The following TRIM37 variants were observed in gnomAD, a reference collection of about 807,000 sequenced individuals.
The protein encoded by TRIM37 is E3 ubiquitin-protein ligase TRIM37.
TRIM37 carries 80 observed loss-of-function variants against 129.8 expected under a neutral mutation model. The observed-to-expected ratio is 0.62, with a 90% CI of 0.51 to 0.74. The LOEUF (loss-of-function observed/expected upper bound fraction) is 0.74. TRIM37 is among the 30% of genes least tolerant of loss of function. The pLI is 0.00. For synonymous variants in TRIM37, 389 were observed against 387.1 expected, an observed-to-expected ratio of 1.00 and a Z score of -0.06; for missense variants, 1,054 against 1,176.5, an observed-to-expected ratio of 0.90 and a Z score of 1.52.
intron 10 of TRIM37, 139 bp from the exon 11 acceptor site, chr17:59,062,787 A>G: frequency 1.4e-6 from 1 of 712,942 alleles, no homozygotes; most frequent in Non-Finnish European, 2.5e-6. Flanking sequence ...ACAGGTCAAA[A>G]TTCCACTGTA....
intron 16 of TRIM37, among the ~76,000 whole-genome samples, chr17:59,043,710 C>A (rs1033714303): frequency 6.6e-6 from 1 of 152,198 alleles, no homozygotes; most frequent in Non-Finnish European, 1.5e-5. Flanking sequence ...GGGCCCAGAT[C>A]ATCCCTGCCC....
At chr17:59,057,485 G>A (rs925333649) in intron 12 of TRIM37, among the ~76,000 whole-genome samples, 1 of 152,174 alleles carries the variant, frequency 6.6e-6, no homozygotes, top group African/African-American at 2.4e-5. Flanking sequence ...TGGGATTGCA[G>A]GCGTGAGCCA....
At chr17:59,047,203 G>A (rs1453247759) in intron 16 of TRIM37, among the ~76,000 whole-genome samples, 1 of 151,254 alleles carries the variant, frequency 6.6e-6, no homozygotes, top group Non-Finnish European at 1.5e-5. Flanking sequence ...TAACTAAATC[G>A]ATTTAACAAT....
At chr17:58,982,700 G>A (rs945910248) in exon 25 of TRIM37, 24 of 502,596 alleles carry the variant, frequency 4.8e-5, no homozygotes, top group Non-Finnish European at 7.1e-6. Context: ...TGTAAGTAGA[G>A]ACTTTCAGTA....
intron 13 of TRIM37, among the ~76,000 whole-genome samples, chr17:59,052,784 G>A (rs570159118): frequency 8.3e-4 from 126 of 152,034 alleles, no homozygotes; most frequent in Admixed American, 2.0e-3. Context: ...GTGAAACCCC[G>A]TCTCTACTAA....
rs1251727070 is a variant in TRIM37, at chr17:59,070,842, C to T, written c.790G>A (p.Val264Ile). Residue 264 changes from valine (V) to isoleucine (I), a missense_variant, in exon 9 of 24, where the codon GTT becomes ATT. Val to Ile is a conservative substitution (Grantham distance 29). Transcript: ENST00000262294. ...TCATACCTGGTAAAGTCTGGTGGAA[C>T]AGGAGTGGTAACAAAAGATGCCATG... ...KPMASFVTTP[V>I]PPDFTSELVP... The T allele has an allele frequency of 4.3e-6, 7 of 1,613,618 alleles. No homozygotes were observed. The highest frequency in any genetic ancestry group is 1.1e-5 in the South Asian group (1 of 91,062).
At chr17:59,017,000 AC>A (rs1168569507) in intron 20 of TRIM37, among the ~76,000 whole-genome samples, 2 of 151,884 alleles carry the variant, frequency 1.3e-5, no homozygotes, top group African/African-American at 4.8e-5. Context: ...ACCTGTCTCT[AC>A]AAAAAATACA....
intron 24 of TRIM37, among the ~76,000 whole-genome samples, chr17:58,987,228 T>C (rs866267992): frequency 5.9e-5 from 9 of 152,184 alleles, no homozygotes; most frequent in African/African-American, 1.7e-4. Context: ...TAACTAAAGA[T>C]GATGAAAAAG....
At position 58,999,321 on chromosome 17, in the gene TRIM37, C is replaced by T; in HGVS notation, c.*56G>A. On this transcript the variant is annotated 3_prime_UTR_variant, in exon 24 of 24. Coordinates refer to ENST00000262294, the MANE Select transcript of TRIM37 (RefSeq NM_015294.6). ...GACTGATGACAAATTTGAGCACCAA[C>T]TACAGCAAAATTCAGGGTCAAGGTA... 1 of 1,612,984 alleles carries T rather than the reference C, an allele frequency of 6.2e-7. No individual in the cohort carries two copies. The highest frequency in any genetic ancestry group is 1.1e-5 in the South Asian group (1 of 90,886).
At chr17:59,009,966 C>G (rs1040852223) in intron 22 of TRIM37, among the ~76,000 whole-genome samples, 5 of 152,170 alleles carry the variant, frequency 3.3e-5, no homozygotes, top group African/African-American at 1.2e-4. Flanking sequence ...AACCTTATCA[C>G]AGCACTCATC....
chr17:58,984,015 A>G (rs1368990825), intron 24 of TRIM37: 1 of 152,640 alleles, frequency 6.6e-6, no homozygotes, highest in Non-Finnish European at 1.5e-5. Context: ...GCAACATTAC[A>G]GCAACACACA....
the TRIM37 span, among the ~76,000 whole-genome samples, chr17:58,970,601 G>A: frequency 6.6e-6 from 1 of 152,008 alleles, no homozygotes; most frequent in Non-Finnish European, 1.5e-5. Flanking sequence ...GCAATAATGG[G>A]GCTTAGAATT....
chr17:59,092,561 C>T (rs982730235), intron 2 of TRIM37, among the ~76,000 whole-genome samples: 1 of 151,830 alleles, frequency 6.6e-6, no homozygotes, highest in Non-Finnish European at 1.5e-5. Context: ...CAATGTTATA[C>T]CACATATAAA....
At chr17:59,011,443 C>CT (rs2035242925) in intron 22 of TRIM37, among the ~76,000 whole-genome samples, 1 of 152,158 alleles carries the variant, frequency 6.6e-6, no homozygotes, top group Admixed American at 6.6e-5. Flanking sequence ...ATGCTGGCAC[C>CT]TGTATGTATG....
chr17:59,037,306 C>A (rs1406179242), intron 17 of TRIM37, among the ~76,000 whole-genome samples: 1 of 151,910 alleles, frequency 6.6e-6, no homozygotes, highest in Non-Finnish European at 1.5e-5. Flanking sequence ...CACCTGTAAT[C>A]CCAGTACTTT....
At chr17:59,039,478 C>T (rs974251406) in intron 17 of TRIM37, among the ~76,000 whole-genome samples, 2 of 152,020 alleles carry the variant, frequency 1.3e-5, no homozygotes, top group African/African-American at 4.8e-5. Context: ...TCCCGAGTAG[C>T]TGGGACTACA....
At chr17:59,058,775 G>T (rs1352269477) in intron 12 of TRIM37, among the ~76,000 whole-genome samples, 3 of 151,970 alleles carry the variant, frequency 2.0e-5, no homozygotes, top group East Asian at 3.9e-4. Flanking sequence ...GAGGCAGGAG[G>T]ATCACCTGGG....
chr17:59,081,318 C>G, intron 5 of TRIM37, 99 bp from the exon 6 acceptor site: 1 of 1,504,034 alleles, frequency 6.6e-7, no homozygotes, highest in Non-Finnish European at 9.1e-7. Context: ...TGGTAAATCT[C>G]TCAAATGAAC....
chr17:58,990,445 C>T (rs374483199), intron 24 of TRIM37, among the ~76,000 whole-genome samples: 65 of 151,378 alleles, frequency 4.3e-4, no homozygotes, highest in East Asian at 3.7e-3. Flanking sequence ...GAGCTGAGAT[C>T]GAGCCACTGC....
Sources: gnomAD v4.1 joint callset for allele counts (sites outside exome capture counted in the v4.1 genomes callset) on GRCh38, gnomAD v4.1.1 for gene constraint, MANE v1.5 for transcripts, NCBI Gene and HGNC (gene_info 2026-07-23, HGNC 2026-07-21) for gene names.